Variants in PACS2 observed in about 807,000 individuals in gnomAD.
PACS2 encodes PACS1-like protein.
Under a neutral mutation model 113.0 loss-of-function variants are expected in PACS2, and 36 were observed. The ratio of observed to expected loss-of-function variants is 0.32; its 90% CI spans 0.24 to 0.42. PACS2 has a LOEUF of 0.42. PACS2 is among the 10% of genes least tolerant of loss of function. The pLI is 1.00. For synonymous variants in PACS2, 589 were observed against 536.1 expected (o/e 1.10, Z -1.36); for missense variants, 1,015 against 1,239.5 (o/e 0.82, Z 2.72).
chr14:105,359,737 G>T (rs1452219891), intron 4 of PACS2, among the ~76,000 whole-genome samples: 3 of 151,320 alleles, frequency 2.0e-5, no homozygotes, highest in Admixed American at 1.3e-4. Context: ...GACTACAGGC[G>T]CCCGCCACTA....
chr14:105,371,091 G>A (rs1555409286), intron 8 of PACS2: 1 of 152,324 alleles, frequency 6.6e-6, no homozygotes, highest in African/African-American at 2.4e-5. Context: ...GGTGCTTTGT[G>A]GCCCGGTGGG....
chr14:105,314,939 C>G lies in PACS2; in HGVS notation c.21C>G (p.Leu7=). Residue 7 remains leucine, a synonymous_variant, in exon 1 of 25, where the codon CTC becomes CTG. Coordinates refer to ENST00000447393, the MANE Select transcript of PACS2 (RefSeq NM_001100913.3). MAERGR[L]GLPGAPGALN... Reference sequence around the variant, plus strand: ...GCGCCATGGCCGAGCGAGGCCGCCTCGGCCTCCCCGGCGCGCCCGGCGCGC... The same window carrying G: ...GCGCCATGGCCGAGCGAGGCCGCCTGGGCCTCCCCGGCGCGCCCGGCGCGC... 1 of 1,146,264 alleles carries G rather than the reference C, an allele frequency of 8.7e-7. No individual in the cohort carries two copies. Among genetic ancestry groups the G allele is most frequent in the Non-Finnish European group, 1.1e-6 (1 of 917,318 alleles). 71.0% of individuals were successfully genotyped at this position (1,146,264 alleles called of 1,614,324 possible). A position where few individuals can be genotyped will look rare whatever the true frequency, so the allele number is the denominator to read the frequency against.
intron 1 of PACS2, among the ~76,000 whole-genome samples, chr14:105,302,366 G>A (rs2058065871): frequency 1.3e-5 from 2 of 151,460 alleles, no homozygotes. Flanking sequence ...ACCACACCTG[G>A]CTAATTTTGT....
At chr14:105,321,044 T>C (rs587667280) in intron 1 of PACS2, among the ~76,000 whole-genome samples, 5 of 152,304 alleles carry the variant, frequency 3.3e-5, no homozygotes, top group Admixed American at 6.5e-5. Context: ...TTCCAGCTAC[T>C]CAGGAGGCTG....
In PACS2 at chr14:105,348,965, A is replaced by C. The variant is rs587701730; in HGVS notation, c.207+385A>C. Among the ~76,000 whole-genome samples, 5 of 152,142 alleles carry C rather than the reference A, an allele frequency of 3.3e-5. No homozygotes were observed. Among genetic ancestry groups the C allele is most frequent in the East Asian group, 3.9e-4 (2 of 5,164 alleles). ...CGTCGGTGGGAGAGGGGAGCAGGGCACTCTGGGAGGCGAGGGCCTAGCCAG... is the reference window on the plus strand; with the variant it reads ...CGTCGGTGGGAGAGGGGAGCAGGGCCCTCTGGGAGGCGAGGGCCTAGCCAG... On this transcript the variant is annotated intron_variant, in intron 2 of 24. Coordinates refer to ENST00000447393, the MANE Select transcript of PACS2 (RefSeq NM_001100913.3). The surrounding 1 kb of genome is among the most constrained non-coding windows in gnomAD (Gnocchi z 6.4).
At chr14:105,319,947 C>T (rs1489677027) in intron 1 of PACS2, among the ~76,000 whole-genome samples, 1 of 152,146 alleles carries the variant, frequency 6.6e-6, no homozygotes, top group African/African-American at 2.4e-5. Flanking sequence ...CTTTTCATTA[C>T]TATTGTGGTA....
intron 4 of PACS2, among the ~76,000 whole-genome samples, chr14:105,360,809 G>C (rs933224436): frequency 1.3e-5 from 2 of 152,114 alleles, no homozygotes; most frequent in Non-Finnish European, 2.9e-5. Flanking sequence ...TCAGAATTGG[G>C]GTCAGTCCTC....
chr14:105,371,687 G>A (rs1344533456), intron 8 of PACS2: 1 of 152,254 alleles, frequency 6.6e-6, no homozygotes, highest in Non-Finnish European at 1.5e-5. Context: ...GGACTTCACA[G>A]CAACCCTCAG....
At chr14:105,319,516 A>G (rs893383861) in intron 1 of PACS2, among the ~76,000 whole-genome samples, 1 of 152,258 alleles carries the variant, frequency 6.6e-6, no homozygotes, top group Admixed American at 6.5e-5. Flanking sequence ...TTGCTAACAT[A>G]TAGAAATTCA....
rs1169150636 is a variant in PACS2, at chr14:105,376,759, C to G, written c.802-9C>G. On this transcript the variant is annotated splice_polypyrimidine_tract_variant and intron_variant, in intron 8 of 24. Coordinates refer to ENST00000447393, the MANE Select transcript of PACS2 (RefSeq NM_001100913.3). This position sits in a 1 kb window ranked among gnomAD's most constrained non-coding sequence, Gnocchi z 4.7. ...GCAGGGAACTCACGCGTGCCTGGCACCCGTGCAGGTCCTGGACTCGGAGCA... is the reference window on the plus strand; with the variant it reads ...GCAGGGAACTCACGCGTGCCTGGCAGCCGTGCAGGTCCTGGACTCGGAGCA... The G allele has an allele frequency of 6.2e-7, 1 of 1,611,196 alleles. No homozygotes were observed. Among genetic ancestry groups the G allele is most frequent in the Non-Finnish European group, 8.5e-7 (1 of 1,178,822 alleles).
intron 4 of PACS2, among the ~76,000 whole-genome samples, chr14:105,362,619 G>A (rs2060770380): frequency 6.6e-6 from 1 of 152,038 alleles, no homozygotes; most frequent in Admixed American, 6.6e-5. Context: ...GGGAGGTCAA[G>A]GCAGGTGGAT....
At chr14:105,372,496 G>T (rs782421172) in intron 8 of PACS2, 1 of 152,164 alleles carries the variant, frequency 6.6e-6, no homozygotes, top group African/African-American at 2.4e-5. Context: ...CTTAAATCCT[G>T]CACTAATGCC....
chr14:105,373,947 A>G (rs1173191899), intron 8 of PACS2, among the ~76,000 whole-genome samples: 1 of 152,008 alleles, frequency 6.6e-6, no homozygotes, highest in Non-Finnish European at 1.5e-5. Context: ...AGGTCAGGAG[A>G]TCGAAACCAG....
chr14:105,337,745 C>A (rs1555400799), intron 1 of PACS2, among the ~76,000 whole-genome samples: 1 of 152,214 alleles, frequency 6.6e-6, no homozygotes, highest in African/African-American at 2.4e-5. Flanking sequence ...CAGACCTGCC[C>A]CTGAGATCCT....
At chr14:105,327,957 G>T (rs924592943) in intron 1 of PACS2, among the ~76,000 whole-genome samples, 10 of 152,188 alleles carry the variant, frequency 6.6e-5, no homozygotes, top group African/African-American at 2.4e-4. Flanking sequence ...CAGGCCACCC[G>T]AGGGGCCATT....
intron 16 of PACS2, 75 bp downstream of exon 16, chr14:105,383,588 C>T (rs587600917): frequency 7.2e-6 from 10 of 1,395,656 alleles, no homozygotes; most frequent in African/African-American, 2.9e-5. Context: ...AGTGGTGTGG[C>T]GTGGCGTGGC....
chr14:105,378,550 A>G (rs1555411054), intron 9 of PACS2, among the ~76,000 whole-genome samples: 1 of 152,172 alleles, frequency 6.6e-6, no homozygotes, highest in Non-Finnish European at 1.5e-5. Context: ...GCTGAGACCA[A>G]TGGCGTGCGC....
In PACS2 at chr14:105,376,644, T is replaced by C. The variant is rs28444495; in HGVS notation, c.802-124T>C. 30,425 of 786,754 alleles carry C rather than the reference T, an allele frequency of 0.039. 6,315 individuals carry two copies. In the African/African-American group the frequency reaches 0.46, roughly 12 times the overall value. 48.7% of individuals were successfully genotyped at this position (786,754 alleles called of 1,614,324 possible). A position where few individuals can be genotyped will look rare whatever the true frequency, so the allele number is the denominator to read the frequency against. On this transcript the variant is annotated intron_variant, in intron 8 of 24. Coordinates refer to ENST00000447393, the MANE Select transcript of PACS2 (RefSeq NM_001100913.3). The surrounding 1 kb of genome is among the most constrained non-coding windows in gnomAD (Gnocchi z 4.7). The stretch of plus-strand genomic sequence containing the variant: ...GAAGCTGGACTACAGCCGTGCTGAG[T>C]GGAGGGGTTTGGTGGCTGGGTGCCC...
intron 19 of PACS2, among the ~76,000 whole-genome samples, chr14:105,387,787 G>A (rs1240488029): frequency 2.0e-5 from 3 of 151,868 alleles, no homozygotes; most frequent in African/African-American, 7.3e-5. Context: ...CTGGCTCGGT[G>A]GGGGGGTCTG....
Sources: allele counts gnomAD v4.1 joint callset (sites outside exome capture counted in the v4.1 genomes callset), GRCh38; gene constraint gnomAD v4.1.1; non-coding constraint Gnocchi (gnomAD v3.1); transcripts MANE v1.5; gene names NCBI Gene and HGNC (gene_info 2026-07-23, HGNC 2026-07-21).